The following GPHN variants were observed in gnomAD, a reference collection of about 807,000 sequenced individuals.
GPHN encodes the protein gephyrin.
GPHN carries 17 observed loss-of-function variants against 95.5 expected under a neutral mutation model. The observed-to-expected ratio is 0.18, with a 90% CI of 0.12 to 0.27. GPHN has a LOEUF of 0.27. Among genes scored for constraint, GPHN ranks in the 10% least tolerant of loss-of-function variants. The pLI is 1.00. For synonymous variants in GPHN, 320 were observed against 322.5 expected (o/e 0.99, Z 0.08); for missense variants, 660 against 978.1 (o/e 0.67, Z 4.34).
chr14:67,344,424 C>T, the GPHN span, among the ~76,000 whole-genome samples: 1 of 152,070 alleles, frequency 6.6e-6, no homozygotes, highest in East Asian at 1.9e-4. Flanking sequence ...TATAGTCTCA[C>T]CTAAATAACA....
At chr14:66,627,149 TAAAAC>T (rs1351409162) in intron 1 of GPHN, among the ~76,000 whole-genome samples, 1 of 151,966 alleles carries the variant, frequency 6.6e-6, no homozygotes, top group Non-Finnish European at 1.5e-5. Context: ...ACTTAAGAAA[TAAAAC>T]ATTACAGATA....
At chr14:67,398,070 G>A in the GPHN span, 45 of 358,876 alleles carry the variant, frequency 1.3e-4, no homozygotes, top group Middle Eastern at 2.9e-3. Context: ...AAAGTAAAAA[G>A]AAGAGAAAAA....
chr14:66,807,558 AC>A (rs911993454), intron 3 of GPHN, among the ~76,000 whole-genome samples: 1 of 152,216 alleles, frequency 6.6e-6, no homozygotes, highest in African/African-American at 2.4e-5. Flanking sequence ...AGAATCATTT[AC>A]ATCAATATGT....
At chr14:67,461,176 T>G in the GPHN span, among the ~76,000 whole-genome samples, 4 of 152,196 alleles carry the variant, frequency 2.6e-5, no homozygotes, top group African/African-American at 9.7e-5. Context: ...GGAGAATGTC[T>G]CTCCTAATAG....
chr14:67,501,542 AT>A, the GPHN span, among the ~76,000 whole-genome samples: 1 of 151,986 alleles, frequency 6.6e-6, no homozygotes, highest in African/African-American at 2.4e-5. Context: ...GATAAATGAT[AT>A]TTTAAAAAAT....
At chr14:66,682,340 TA>T (rs1461247792) in intron 2 of GPHN, among the ~76,000 whole-genome samples, 1 of 152,354 alleles carries the variant, frequency 6.6e-6, no homozygotes, top group East Asian at 1.9e-4. Context: ...ATTATTCTGT[TA>T]GGATGTAAAT....
chr14:66,732,775 A>ACCGC (rs1315942836), intron 2 of GPHN, among the ~76,000 whole-genome samples: 3 of 152,254 alleles, frequency 2.0e-5, no homozygotes, highest in Admixed American at 2.0e-4. Flanking sequence ...TCGGCCTCCC[A>ACCGC]AATTGCTGGG....
At chr14:67,653,430 AACTT>A in the GPHN span, 3 of 1,613,402 alleles carry the variant, frequency 1.9e-6, no homozygotes, top group Non-Finnish European at 1.7e-6. Context: ...ACTTTAATAA[AACTT>A]ACTTTCTGGA....
the GPHN span, among the ~76,000 whole-genome samples, chr14:67,226,832 T>C: frequency 6.6e-6 from 1 of 152,192 alleles, no homozygotes; most frequent in East Asian, 1.9e-4. Flanking sequence ...TCTTTCCCCC[T>C]TAAGAATGCT....
intron 2 of GPHN, among the ~76,000 whole-genome samples, chr14:66,744,386 C>T (rs2058059464): frequency 6.6e-6 from 1 of 152,178 alleles, no homozygotes; most frequent in South Asian, 2.1e-4. Flanking sequence ...TCCTCTTCAG[C>T]ATTACCTGTA....
the GPHN span, chr14:67,336,050 GACAACGCAAGGCTGTGAACTTGAA>G: frequency 6.6e-6 from 1 of 152,382 alleles, no homozygotes; most frequent in East Asian, 1.9e-4. Flanking sequence ...ATTAAAGATG[GACAACGCAAGGCTGTGAACTTGAA>G]AGTTTTCTGG....
intron 5 of GPHN, among the ~76,000 whole-genome samples, chr14:66,895,484 G>C (rs1443318256): frequency 2.6e-5 from 4 of 152,052 alleles, no homozygotes; most frequent in African/African-American, 9.7e-5. Flanking sequence ...TTGTGCACAT[G>C]TACCCTAGAG....
intron 3 of GPHN, among the ~76,000 whole-genome samples, chr14:66,813,324 A>G (rs1380255489): frequency 6.6e-6 from 1 of 152,248 alleles, no homozygotes; most frequent in Non-Finnish European, 1.5e-5. Context: ...CCATGGAAGT[A>G]CTGAGACAAC....
At chr14:67,729,271 C>T in the GPHN span, 1 of 1,606,714 alleles carries the variant, frequency 6.2e-7, no homozygotes, top group Non-Finnish European at 8.5e-7. Flanking sequence ...GCTCTGCCTG[C>T]TCTGGCGGCT....
At chr14:67,383,234 A>G in the GPHN span, 1 of 1,467,280 alleles carries the variant, frequency 6.8e-7, no homozygotes. Context: ...AAGAGAGAAA[A>G]CATTAGGCAG....
chr14:67,396,911 T>C, the GPHN span, among the ~76,000 whole-genome samples: 1 of 152,170 alleles, frequency 6.6e-6, no homozygotes, highest in Non-Finnish European at 1.5e-5. Flanking sequence ...TCTTGGCACA[T>C]GATGGGCCCT....
chr14:66,623,145 T>C (rs2063376275), intron 1 of GPHN, among the ~76,000 whole-genome samples: 1 of 152,138 alleles, frequency 6.6e-6, no homozygotes, highest in South Asian at 2.1e-4. Context: ...TGTATGGCAG[T>C]GGACAAAGTC....
At chr14:66,669,089 C>A (rs528086948) in intron 1 of GPHN, among the ~76,000 whole-genome samples, 1 of 152,148 alleles carries the variant, frequency 6.6e-6, no homozygotes, top group African/African-American at 2.4e-5. Context: ...TCCAGCCGGG[C>A]ATGGTGGCTC....
intron 17 of GPHN, among the ~76,000 whole-genome samples, chr14:67,133,703 A>G (rs2079864551): frequency 6.6e-6 from 1 of 152,182 alleles, no homozygotes; most frequent in South Asian, 2.1e-4. Flanking sequence ...ACTGATGAGT[A>G]CATACACTTT....
Sources: allele counts gnomAD v4.1 joint callset (sites outside exome capture counted in the v4.1 genomes callset), GRCh38; gene constraint gnomAD v4.1.1; transcripts MANE v1.5; gene names NCBI Gene and HGNC (gene_info 2026-07-23, HGNC 2026-07-21).